Variants in KLHL12 observed in about 807,000 individuals in gnomAD.
The protein encoded by KLHL12 is kelch-like protein 12.
KLHL12 carries 17 observed loss-of-function variants against 60.8 expected under a neutral mutation model. The observed-to-expected ratio is 0.28, with a 90% CI of 0.19 to 0.42. The LOEUF is 0.42. KLHL12 is among the 10% of genes least tolerant of loss of function. KLHL12 has a pLI of 1.00. For synonymous variants in KLHL12, 220 were observed against 250.9 expected (o/e 0.88, Z 1.16); for missense variants, 468 against 722.3 (o/e 0.65, Z 4.04).
At chr1:202,915,291 AACC>A (rs1660490291) in intron 4 of KLHL12, among the ~76,000 whole-genome samples, 1 of 152,250 alleles carries the variant, frequency 6.6e-6, no homozygotes, top group South Asian at 2.1e-4. Context: ...ATGCTGTTTT[AACC>A]AATATGACAT....
At position 202,895,796 on chromosome 1, in the gene KLHL12, TG is replaced by T. The variant is rs1404932150; in HGVS notation, c.940-80del. 8.7e-6 allele frequency: 9 copies of T among 1,038,372 alleles called. No individual in the cohort carries two copies. Among genetic ancestry groups the T allele is most frequent in the Non-Finnish European group, 1.3e-5 (9 of 685,418 alleles). The allele number at this position is 1,038,372 out of a possible 1,614,324, so 64.3% of individuals were successfully genotyped here. Reference sequence around the variant, plus strand: ...CCTTACCTTTTGCTATCTTCCCTGTTGTATCTGCACACCTCTCTGCTTCTTC... The same window carrying T: ...CCTTACCTTTTGCTATCTTCCCTGTTTATCTGCACACCTCTCTGCTTCTTC... On this transcript the variant is annotated intron_variant, in intron 7 of 11. Transcript: ENST00000367261. The surrounding 1 kb of genome is among the most constrained non-coding windows in gnomAD (Gnocchi z 4.2).
At chr1:202,918,953 A>G (rs1660604561) in intron 3 of KLHL12, among the ~76,000 whole-genome samples, 1 of 152,220 alleles carries the variant, frequency 6.6e-6, no homozygotes, top group Non-Finnish European at 1.5e-5. Context: ...CTGAATGTTA[A>G]AAAAGAAAAA....
chr1:202,927,609 A>T (rs960715900), upstream of KLHL12, among the ~76,000 whole-genome samples: 2 of 143,666 alleles, frequency 1.4e-5, no homozygotes, highest in Non-Finnish European at 3.0e-5. Context: ...TGAGCCAGGC[A>T]GCAGAGGTTG....
rs537292919 is a variant in KLHL12 at position 202,927,209 on chromosome 1, T to C, written c.-166A>G. 3.5e-5 allele frequency: 34 copies of C among 984,810 alleles called. No individual in the cohort carries two copies. The African/African-American group carries it at 5.1e-4, about 15-fold the overall frequency. 61.0% of individuals were successfully genotyped at this position (984,810 alleles called of 1,614,324 possible). ...AAGCGCCGCCCAGACCCGGAGGCTC[T>C]GGAGGCTCTGGAGCCGTCCGGGTCT... On this transcript the variant is annotated 5_prime_UTR_variant, in exon 1 of 12. Coordinates refer to ENST00000367261, the MANE Select transcript of KLHL12 (RefSeq NM_021633.4).
At position 202,918,352 on chromosome 1, in the gene KLHL12, T is replaced by C; in HGVS notation, c.386A>G (p.Gln129Arg). 1 of 1,614,154 alleles carries C rather than the reference T, an allele frequency of 6.2e-7. No homozygotes were observed. Among genetic ancestry groups the C allele is most frequent in the Non-Finnish European group, 8.5e-7 (1 of 1,179,998 alleles). Reference sequence around the variant, plus strand: ...ACCCAGGCAATTAGAAGGGTCCAACTGACTTTCTAAGAACTCACAGCAGGC... The same window carrying C: ...ACCCAGGCAATTAGAAGGGTCCAACCGACTTTCTAAGAACTCACAGCAGGC... ...KQACCEFLES[Q>R]LDPSNCLGIR... is the part of the protein sequence containing the mutation. Residue 129 changes from glutamine to arginine, a missense_variant, in exon 4 of 12, where the codon CAG becomes CGG. Transcript: ENST00000367261.
At position 202,891,662 on chromosome 1, in the gene KLHL12, C is replaced by T. The variant is rs1659681134; in HGVS notation, c.*871G>A. On this transcript the variant is annotated 3_prime_UTR_variant, in exon 12 of 12. Transcript: ENST00000367261. ...AAACATTGCCATGGCTAGATGAGCCCTGGCAGGTAATAAGATGACTGTAAA... is the reference window on the plus strand; with the variant it reads ...AAACATTGCCATGGCTAGATGAGCCTTGGCAGGTAATAAGATGACTGTAAA... 1.3e-5 allele frequency: 2 copies of T among 152,224 alleles called. No homozygotes were observed. Among genetic ancestry groups the T allele is most frequent in the Admixed American group, 1.3e-4 (2 of 15,288 alleles). 9.4% of individuals were successfully genotyped at this position (152,224 alleles called of 1,614,324 possible). A position where few individuals can be genotyped will look rare whatever the true frequency, so the allele number is the denominator to read the frequency against.
chr1:202,904,574 A>T (rs1028287376), intron 6 of KLHL12, among the ~76,000 whole-genome samples: 1 of 152,186 alleles, frequency 6.6e-6, no homozygotes, highest in Non-Finnish European at 1.5e-5. Context: ...TTCTCTGCCA[A>T]TGATGGAGTA....
chr1:202,924,861 CA>C (rs200140675), intron 2 of KLHL12, 106 bp downstream of exon 2: 2 of 1,301,700 alleles, frequency 1.5e-6, no homozygotes, highest in Non-Finnish European at 2.1e-6. Context: ...CAAAACATCA[CA>C]CTGTAAAAAT....
Position 202,909,216 on chromosome 1 carries a change from T to A in KLHL12, c.718-92A>T. On this transcript the variant is annotated intron_variant, in intron 5 of 11. Coordinates refer to ENST00000367261, the MANE Select transcript of KLHL12 (RefSeq NM_021633.4). This position sits in a 1 kb window ranked among gnomAD's most constrained non-coding sequence, Gnocchi z 4.1. Reference sequence around the variant, plus strand: ...CACATGCAAATAATTAACTTCTGACTACAGAAAACCAGTTTGCAAAGCCCT... The same window carrying A: ...CACATGCAAATAATTAACTTCTGACAACAGAAAACCAGTTTGCAAAGCCCT... The A allele has an allele frequency of 1.3e-6, 1 of 779,760 alleles. No individual in the cohort carries two copies. Among genetic ancestry groups the A allele is most frequent in the Non-Finnish European group, 2.1e-6 (1 of 467,992 alleles). The allele number at this position is 779,760 out of a possible 1,614,324, so 48.3% of individuals were successfully genotyped here.
At chr1:202,923,545 T>G (rs1042486415) in intron 2 of KLHL12, among the ~76,000 whole-genome samples, 4 of 152,208 alleles carry the variant, frequency 2.6e-5, no homozygotes, top group Non-Finnish European at 5.9e-5. Flanking sequence ...TTGTAGTATA[T>G]AAAATTCATA....
Position 202,927,161 on chromosome 1 carries a change from A to C in KLHL12, c.-118T>G. The C allele has an allele frequency of 2.0e-6, 2 of 985,242 alleles. No individual in the cohort carries two copies. The highest frequency in any genetic ancestry group is 2.4e-6 in the Non-Finnish European group (2 of 829,932). The allele number at this position is 985,242 out of a possible 1,614,324, so 61.0% of individuals were successfully genotyped here. On this transcript the variant is annotated 5_prime_UTR_variant, in exon 1 of 12. Coordinates refer to ENST00000367261, the MANE Select transcript of KLHL12 (RefSeq NM_021633.4). ...TGGGGATGGAGTGCGGCGCGGGGCTAGCAGGCGGCTCGGGAGGAGCCGAAG... is the reference window on the plus strand; with the variant it reads ...TGGGGATGGAGTGCGGCGCGGGGCTCGCAGGCGGCTCGGGAGGAGCCGAAG...
upstream of KLHL12, chr1:202,927,239 C>G: frequency 7.1e-6 from 7 of 985,188 alleles, no homozygotes; most frequent in Non-Finnish European, 7.2e-6. Context: ...GGGTCTGGCC[C>G]CTGCGGCCGC....
At chr1:202,910,428 T>C (rs1157737480) in intron 5 of KLHL12, among the ~76,000 whole-genome samples, 1 of 152,156 alleles carries the variant, frequency 6.6e-6, no homozygotes, top group Non-Finnish European at 1.5e-5. Flanking sequence ...TGTGAACAAC[T>C]GAAAAACTGT....
intron 6 of KLHL12, among the ~76,000 whole-genome samples, chr1:202,897,387 A>G (rs1052058016): frequency 8.6e-5 from 13 of 150,798 alleles, no homozygotes; most frequent in African/African-American, 2.9e-4. Flanking sequence ...AGGCTGTGCC[A>G]CCACGCCCAG....
rs1362207518 is a variant in KLHL12, at chr1:202,911,084, G to C, written c.687C>G (p.Pro229=). The C allele has an allele frequency of 3.1e-6, 5 of 1,613,912 alleles. No individual in the cohort carries two copies. Among genetic ancestry groups the C allele is most frequent in the Non-Finnish European group, 4.2e-6 (5 of 1,179,978 alleles). The change falls in exon 5 of 12, where the codon CCC becomes CCG. Residue 229 remains proline, a synonymous_variant. Coordinates refer to ENST00000367261, the MANE Select transcript of KLHL12 (RefSeq NM_021633.4). ...CATCTATTACATCTGTGATATACCT[G>C]GGGGTTAGTAGGGGCATCCGCACAT... is the stretch of plus-strand genomic sequence containing the variant. ...LQYVRMPLLT[P]RYITDVIDAE... is the part of the protein sequence containing the mutation.
At position 202,893,526 on chromosome 1, in the gene KLHL12, A is replaced by T; in HGVS notation, c.1394-101T>A. On this transcript the variant is annotated intron_variant, in intron 10 of 11. Coordinates refer to ENST00000367261, the MANE Select transcript of KLHL12 (RefSeq NM_021633.4). The surrounding 1 kb of genome is among the most constrained non-coding windows in gnomAD (Gnocchi z 4.1). The stretch of plus-strand genomic sequence containing the variant: ...CTAATGACTAGCTGAGTTCTACAGT[A>T]GATGAGGGATATGGAATGGGCCCAC... 1.0e-6 allele frequency: 1 copy of T among 982,334 alleles called. No homozygotes were observed. 60.9% of individuals were successfully genotyped at this position (982,334 alleles called of 1,614,324 possible). A position where few individuals can be genotyped will look rare whatever the true frequency, so the allele number is the denominator to read the frequency against.
chr1:202,912,169 C>A, intron 4 of KLHL12: 1 of 890,698 alleles, frequency 1.1e-6, no homozygotes. Flanking sequence ...CACTGAAGAA[C>A]ATCACCTAAG....
At chr1:202,910,503 C>A (rs978744307) in intron 5 of KLHL12, among the ~76,000 whole-genome samples, 4 of 152,176 alleles carry the variant, frequency 2.6e-5, no homozygotes, top group African/African-American at 9.7e-5. Context: ...GGGTTACCTA[C>A]ATATTATAAA....
chr1:202,908,832 C>T (rs1001808683), intron 6 of KLHL12, among the ~76,000 whole-genome samples, 178 bp downstream of exon 6: 1 of 152,142 alleles, frequency 6.6e-6, no homozygotes, highest in African/African-American at 2.4e-5. Context: ...ATAGAGAAGA[C>T]ATCCTTGATT....
Sources: allele counts gnomAD v4.1 joint callset (sites outside exome capture counted in the v4.1 genomes callset), GRCh38; gene constraint gnomAD v4.1.1; non-coding constraint Gnocchi (gnomAD v3.1); transcripts MANE v1.5; gene names NCBI Gene and HGNC (gene_info 2026-07-23, HGNC 2026-07-21).